Variants in NMU observed in about 807,000 individuals in gnomAD.
NMU encodes neuromedin U.
In NMU, 29 loss-of-function variants were observed where a neutral mutation model predicts 35.4. That is an observed-to-expected ratio of 0.82 (90% CI 0.61 to 1.12). The LOEUF (loss-of-function observed/expected upper bound fraction) is 1.12. NMU is among the 50% of genes most tolerant of loss of function. The pLI is 0.00. For missense variants in NMU, 199 were observed against 206.2 expected (o/e 0.97, Z 0.21); for synonymous variants, 78 against 81.3 (o/e 0.96, Z 0.22).
chr4:55,633,903 A>T (rs1247688917), intron 1 of NMU, among the ~76,000 whole-genome samples: 5 of 152,228 alleles, frequency 3.3e-5, no homozygotes, highest in Non-Finnish European at 7.3e-5. Context: ...GCAGATATTC[A>T]AAATGTGTTC....
At chr4:55,628,532 T>G (rs970162933) in intron 2 of NMU, among the ~76,000 whole-genome samples, 1 of 152,042 alleles carries the variant, frequency 6.6e-6, no homozygotes, top group African/African-American at 2.4e-5. Flanking sequence ...GGAGTCTCAC[T>G]CTGTCACCCA....
At chr4:55,626,933 T>C (rs1734555285) in intron 2 of NMU, among the ~76,000 whole-genome samples, 1 of 152,210 alleles carries the variant, frequency 6.6e-6, no homozygotes, top group Non-Finnish European at 1.5e-5. Flanking sequence ...TTCTACTAAC[T>C]CTATAATTTA....
At chr4:55,610,367 G>A (rs1221578037) in intron 3 of NMU, among the ~76,000 whole-genome samples, 3 of 151,786 alleles carry the variant, frequency 2.0e-5, no homozygotes, top group Non-Finnish European at 4.4e-5. Context: ...GGAGGCTGAG[G>A]CAGGAGAATC....
rs769505107 is a variant in NMU at position 55,616,321 on chromosome 4, T to G, written c.219+17A>C. The stretch of plus-strand genomic sequence containing the variant: ...CAAACACCTACATTATTACAAAATA[T>G]CTTCAATTGGAATTACCTGAGGCTG... On this transcript the variant is annotated intron_variant, in intron 3 of 9. Transcript: ENST00000264218. The G allele has an allele frequency of 6.3e-7, 1 of 1,594,966 alleles. No homozygotes were observed. The highest frequency in any genetic ancestry group is 2.2e-5 in the East Asian group (1 of 44,762).
At chr4:55,603,629 G>A (rs1275267033) in intron 7 of NMU, among the ~76,000 whole-genome samples, 1 of 151,694 alleles carries the variant, frequency 6.6e-6, no homozygotes, top group Non-Finnish European at 1.5e-5. Context: ...AATAATCCTA[G>A]AGGCCGGGCG....
intron 9 of NMU, among the ~76,000 whole-genome samples, chr4:55,597,132 C>T (rs1346427346): frequency 6.6e-6 from 1 of 151,890 alleles, no homozygotes; most frequent in Non-Finnish European, 1.5e-5. Context: ...TAATAATATT[C>T]CTTTTAAATT....
intron 1 of NMU, among the ~76,000 whole-genome samples, 187 bp downstream of exon 1, chr4:55,635,894 T>C (rs1450071177): frequency 6.6e-6 from 1 of 152,224 alleles, no homozygotes; most frequent in African/African-American, 2.4e-5. Flanking sequence ...CCCTTGCTCC[T>C]ACGTCGCTAG....
chr4:55,611,814 A>G (rs931056626), intron 3 of NMU, among the ~76,000 whole-genome samples: 9 of 152,184 alleles, frequency 5.9e-5, no homozygotes, highest in Admixed American at 5.9e-4. Context: ...ACAATGACAA[A>G]TCATCCAAGG....
At chr4:55,609,284 T>C in intron 3 of NMU, 105 bp from the exon 4 acceptor site, 1 of 816,708 alleles carries the variant, frequency 1.2e-6, no homozygotes, top group Non-Finnish European at 2.1e-6. Flanking sequence ...GCTAACTACC[T>C]GGAAAAGAAT....
intron 9 of NMU, among the ~76,000 whole-genome samples, 182 bp downstream of exon 9, chr4:55,598,960 C>T (rs540963305): frequency 6.6e-6 from 1 of 152,268 alleles, no homozygotes; most frequent in East Asian, 1.9e-4. Context: ...AAAGCCCTTA[C>T]AGCTCCTATC....
intron 8 of NMU, 80 bp from the exon 9 acceptor site, chr4:55,599,261 G>A (rs543213389): frequency 4.4e-6 from 5 of 1,145,832 alleles, no homozygotes; most frequent in Admixed American, 3.4e-5. Flanking sequence ...TGATGATTTA[G>A]AGGAGTGTTT....
At chr4:55,597,646 G>A (rs762097324) in intron 9 of NMU, among the ~76,000 whole-genome samples, 9 of 152,148 alleles carry the variant, frequency 5.9e-5, no homozygotes, top group South Asian at 2.1e-4. Flanking sequence ...GATTACAGGC[G>A]TGAGCCACCG....
At position 55,599,143 on chromosome 4, in the gene NMU, A is replaced by G. The variant is rs779797394; in HGVS notation, c.*3T>C. ...TTTGTTTATTTATTTCTCACATACC[A>G]TTTTAAATGAACCCTGCTGACCTTC... On this transcript the variant is annotated splice_region_variant and 3_prime_UTR_variant, in exon 9 of 10. Coordinates refer to ENST00000264218, the MANE Select transcript of NMU (RefSeq NM_006681.4). The G allele has an allele frequency of 1.3e-6, 2 of 1,596,054 alleles. No homozygotes were observed. Among genetic ancestry groups the G allele is most frequent in the Admixed American group, 1.7e-5 (1 of 59,974 alleles).
chr4:55,636,366 GC>G, upstream of NMU: 1 of 993,032 alleles, frequency 1.0e-6, no homozygotes. This position sits in a 1 kb window ranked among gnomAD's most constrained non-coding sequence, Gnocchi z 4.0. Flanking sequence ...GGTCCCCGCC[GC>G]GCGTCACCTC....
chr4:55,634,157 C>G (rs1359210811), intron 1 of NMU, among the ~76,000 whole-genome samples: 1 of 152,154 alleles, frequency 6.6e-6, no homozygotes, highest in Admixed American at 6.6e-5. Flanking sequence ...GATGATTGAT[C>G]ATGGTAGATA....
chr4:55,625,194 A>C (rs1734477089), intron 2 of NMU, among the ~76,000 whole-genome samples: 2 of 145,342 alleles, frequency 1.4e-5, no homozygotes, highest in African/African-American at 2.5e-5. Context: ...AAAAAAAAGA[A>C]CTGATATTAG....
intron 7 of NMU, among the ~76,000 whole-genome samples, chr4:55,604,539 T>C (rs1442747821): frequency 6.6e-6 from 1 of 150,824 alleles, no homozygotes; most frequent in Non-Finnish European, 1.5e-5. Flanking sequence ...TCTTACTTTT[T>C]TTTTTTTTTT....
intron 2 of NMU, among the ~76,000 whole-genome samples, chr4:55,624,158 A>AT (rs1734424295): frequency 6.7e-6 from 1 of 150,306 alleles, no homozygotes; most frequent in Middle Eastern, 3.4e-3. Context: ...AAAAGCCAAA[A>AT]TTGACAAATG....
At chr4:55,625,157 T>TA (rs1734471185) in intron 2 of NMU, among the ~76,000 whole-genome samples, 3 of 95,886 alleles carry the variant, frequency 3.1e-5, no homozygotes, top group Non-Finnish European at 6.0e-5. Context: ...ACCCTAAAAC[T>TA]TAAAGTATAA....
Sources: gnomAD v4.1 joint callset for allele counts (sites outside exome capture counted in the v4.1 genomes callset) on GRCh38, gnomAD v4.1.1 for gene constraint, Gnocchi (gnomAD v3.1) non-coding constraint, MANE v1.5 for transcripts, NCBI Gene and HGNC (gene_info 2026-07-23, HGNC 2026-07-21) for gene names.